C5: variants seen among roughly 807,000 people sequenced by gnomAD.
C5 encodes complement C5.
Under a neutral mutation model 218.8 loss-of-function variants are expected in C5, and 140 were observed. That is an observed-to-expected ratio of 0.64 (90% CI 0.56 to 0.74). The LOEUF is 0.74. Ranked by LOEUF, C5 falls within the 30% of genes least tolerant of loss-of-function variation. The pLI is 0.00. For synonymous variants in C5, 614 were observed against 682.3 expected (o/e 0.90, Z 1.56); for missense variants, 1,700 against 1,969.6 (o/e 0.86, Z 2.59).
intron 17 of C5, among the ~76,000 whole-genome samples, chr9:121,008,873 T>G (rs531907133): frequency 3.9e-4 from 60 of 152,210 alleles, no homozygotes; most frequent in African/African-American, 1.4e-3. Flanking sequence ...GAGGTTGCAG[T>G]GAGCCGAGAT....
intron 40 of C5, among the ~76,000 whole-genome samples, chr9:120,953,170 C>T (rs911922387): frequency 6.6e-6 from 1 of 152,110 alleles, no homozygotes; most frequent in Non-Finnish European, 1.5e-5. Context: ...GTGATCTGCC[C>T]GTCTTGGCCT....
At chr9:121,025,421 C>G (rs2047411795) in intron 9 of C5, 33 bp downstream of exon 9, 1 of 1,427,672 alleles carries the variant, frequency 7.0e-7, no homozygotes, top group African/African-American at 1.6e-5. Context: ...AGAAAGTATA[C>G]ACACACACAC....
chr9:121,065,588 C>T, the C5 span, among the ~76,000 whole-genome samples: 7 of 152,290 alleles, frequency 4.6e-5, no homozygotes, highest in Non-Finnish European at 7.4e-5. Context: ...ATCGCTCAAG[C>T]GATTCTCCCA....
In C5 at chr9:121,016,722, T is replaced by C. The variant is rs2047310462; in HGVS notation, c.1867-339A>G. Among the ~76,000 whole-genome samples, 5 of 152,220 alleles carry C rather than the reference T, an allele frequency of 3.3e-5. 1 individual carries two copies. The South Asian group carries it at 1.0e-3, about 32-fold the overall frequency. On this transcript the variant is annotated intron_variant, in intron 14 of 40. Coordinates refer to ENST00000223642, the MANE Select transcript of C5 (RefSeq NM_001735.3). ...AAATAAATAAATAGGTATGAATGCA[T>C]GAAGGACTGAATTAACATAGAAATT...
chr9:121,018,940 T>C (rs545553243), intron 12 of C5, among the ~76,000 whole-genome samples: 16 of 152,210 alleles, frequency 1.1e-4, no homozygotes, highest in Non-Finnish European at 2.1e-4. Context: ...AAACTAAAAG[T>C]CATACTGATT....
chr9:121,033,487 G>C (rs2047495630), intron 5 of C5, among the ~76,000 whole-genome samples: 2 of 152,248 alleles, frequency 1.3e-5, no homozygotes, highest in African/African-American at 4.8e-5. Flanking sequence ...CCCATTCCAA[G>C]TAGAGGGGAT....
intron 20 of C5, among the ~76,000 whole-genome samples, chr9:121,002,209 T>G (rs1459232791): frequency 4.7e-5 from 3 of 63,206 alleles, no homozygotes; most frequent in Non-Finnish European, 6.2e-5. Context: ...TATATATGTA[T>G]ATATACGTAT....
At chr9:121,010,924 A>G (rs2047256478) in intron 17 of C5, among the ~76,000 whole-genome samples, 2 of 152,112 alleles carry the variant, frequency 1.3e-5, no homozygotes, top group African/African-American at 4.8e-5. Flanking sequence ...TGGTTATCCC[A>G]TTCATGCAGA....
At chr9:121,066,215 G>C in the C5 span, among the ~76,000 whole-genome samples, 4 of 149,910 alleles carry the variant, frequency 2.7e-5, no homozygotes, top group African/African-American at 9.8e-5. Flanking sequence ...AGGAGGCTGA[G>C]GCAGAAGAAT....
chr9:120,952,686 T>C lies in C5; in HGVS notation c.*53A>G. The C allele has an allele frequency of 6.3e-7, 1 of 1,598,526 alleles. No individual in the cohort carries two copies. Among genetic ancestry groups the C allele is most frequent in the Non-Finnish European group, 8.5e-7 (1 of 1,170,460 alleles). ...AAAGAAGAAAACAAAAAAACGAACT[T>C]CAACAACAGGAGTCCATAAGTGCAA... is the stretch of plus-strand genomic sequence containing the variant. On this transcript the variant is annotated 3_prime_UTR_variant, in exon 41 of 41. Coordinates refer to ENST00000223642, the MANE Select transcript of C5 (RefSeq NM_001735.3).
intron 30 of C5, among the ~76,000 whole-genome samples, chr9:120,973,432 G>A (rs545658837): frequency 2.4e-4 from 36 of 152,152 alleles, no homozygotes; most frequent in Non-Finnish European, 4.6e-4. Context: ...GCAGAGGCCC[G>A]GGCACAAAGC....
At chr9:120,991,395 A>G in intron 22 of C5, 115 bp from the exon 23 acceptor site, 4 of 690,640 alleles carry the variant, frequency 5.8e-6, no homozygotes, top group Non-Finnish European at 1.0e-5. Context: ...TTATAATTAG[A>G]CTATTAAAAT....
At chr9:121,070,406 T>TAC in the C5 span, among the ~76,000 whole-genome samples, 1 of 136,906 alleles carries the variant, frequency 7.3e-6, no homozygotes, top group African/African-American at 2.9e-5. Context: ...TATATATATA[T>TAC]ATATATATAT....
At chr9:121,049,300 G>C (rs908163848) in intron 1 of C5, among the ~76,000 whole-genome samples, 2 of 152,152 alleles carry the variant, frequency 1.3e-5, no homozygotes, top group South Asian at 2.1e-4. Context: ...CCAATTTGAA[G>C]TCACTTAATT....
the C5 span, among the ~76,000 whole-genome samples, chr9:121,056,275 C>T: frequency 2.0e-5 from 3 of 152,128 alleles, no homozygotes; most frequent in Non-Finnish European, 4.4e-5. Context: ...CACCATTGAC[C>T]GATCCTGGAG....
chr9:121,030,500 A>C lies in C5; in HGVS notation c.668-13T>G. 1 of 1,460,472 alleles carries C rather than the reference A, an allele frequency of 6.8e-7. No individual in the cohort carries two copies. The highest frequency in any genetic ancestry group is 9.4e-7 in the Non-Finnish European group (1 of 1,064,990). The allele number at this position is 1,460,472 out of a possible 1,614,324, so 90.5% of individuals were successfully genotyped here. A position where few individuals can be genotyped will look rare whatever the true frequency, so the allele number is the denominator to read the frequency against. On this transcript the variant is annotated splice_polypyrimidine_tract_variant and intron_variant, in intron 6 of 40. Coordinates refer to ENST00000223642, the MANE Select transcript of C5 (RefSeq NM_001735.3). ...AAATGTGGCAAGACTGAAAATAAAA[A>C]CAAACAGGTAATATTACCATTTTGA... is the stretch of plus-strand genomic sequence containing the variant.
intron 1 of C5, among the ~76,000 whole-genome samples, chr9:121,049,696 C>T (rs548608214): frequency 6.6e-6 from 1 of 152,180 alleles, no homozygotes; most frequent in Admixed American, 6.5e-5. Context: ...TAAAACATTA[C>T]TTAAAATGCA....
chr9:121,073,730 T>C, the C5 span, among the ~76,000 whole-genome samples: 4 of 152,098 alleles, frequency 2.6e-5, no homozygotes, highest in Non-Finnish European at 5.9e-5. Context: ...GCCAGGCTGA[T>C]CTTGAATTCC....
intron 25 of C5, among the ~76,000 whole-genome samples, chr9:120,986,143 C>T (rs1442015726): frequency 1.3e-5 from 2 of 152,112 alleles, no homozygotes; most frequent in African/African-American, 2.4e-5. Flanking sequence ...GCTTTTCCTC[C>T]CACCAACCTT....
Sources: allele counts gnomAD v4.1 joint callset (sites outside exome capture counted in the v4.1 genomes callset), GRCh38; gene constraint gnomAD v4.1.1; transcripts MANE v1.5; gene names NCBI Gene and HGNC (gene_info 2026-07-23, HGNC 2026-07-21).